The following ABI2 variants were observed in gnomAD, a reference collection of about 807,000 sequenced individuals.
ABI2 encodes abl interactor 2, also known as abelson interactor 2.
Under a neutral mutation model 59.2 loss-of-function variants are expected in ABI2, and 25 were observed. The ratio of observed to expected loss-of-function variants is 0.42; its 90% confidence interval spans 0.31 to 0.59. The LOEUF is 0.59. Among genes scored for constraint, ABI2 ranks in the 20% least tolerant of loss-of-function variants. ABI2 has a pLI of 0.14. For synonymous variants in ABI2, 213 were observed against 235.5 expected, an observed-to-expected ratio of 0.90 and a Z score of 0.87; for missense variants, 545 against 681.8, an observed-to-expected ratio of 0.80 and a Z score of 2.23.
chr2:203,366,778 G>C (rs2094493216), intron 1 of ABI2, 99 bp from the exon 2 acceptor site: 16 of 1,187,990 alleles, frequency 1.3e-5, no homozygotes, highest in Non-Finnish European at 1.7e-5. Flanking sequence ...ACTTTCTGGT[G>C]GACTCAGCAG....
intron 1 of ABI2, among the ~76,000 whole-genome samples, chr2:203,331,851 C>T (rs1054500580): frequency 1.3e-5 from 2 of 148,362 alleles, no homozygotes; most frequent in African/African-American, 5.0e-5. Context: ...ACTCTGTCGC[C>T]CAGGCTGGAG....
chr2:203,376,278 A>G (rs2095671403), intron 2 of ABI2: 1 of 576,180 alleles, frequency 1.7e-6, no homozygotes, highest in Non-Finnish European at 3.0e-6. Flanking sequence ...ATCTACCTGG[A>G]TGCTTTTCTA....
chr2:203,414,089 T>C (rs1020061491), intron 10 of ABI2, among the ~76,000 whole-genome samples: 2 of 150,258 alleles, frequency 1.3e-5, no homozygotes, highest in African/African-American at 2.5e-5. Context: ...CTTACCTTTG[T>C]ACTTGCATTG....
At chr2:203,423,305 G>A (rs564206772) in intron 11 of ABI2, among the ~76,000 whole-genome samples, 4 of 152,316 alleles carry the variant, frequency 2.6e-5, no homozygotes, top group African/African-American at 7.2e-5. Flanking sequence ...TGTGTTAGGC[G>A]CTAGGGATAC....
chr2:203,349,319 T>C (rs1014681208), intron 1 of ABI2, among the ~76,000 whole-genome samples: 1 of 152,312 alleles, frequency 6.6e-6, no homozygotes, highest in South Asian at 2.1e-4. Context: ...CACAAAATAG[T>C]CATAACAATC....
At chr2:203,390,553 A>G (rs995853501) in intron 4 of ABI2, among the ~76,000 whole-genome samples, 1 of 151,972 alleles carries the variant, frequency 6.6e-6, no homozygotes, top group Non-Finnish European at 1.5e-5. Flanking sequence ...AATTGCTTGA[A>G]CCTGGGAGGC....
At chr2:203,337,857 C>G (rs944342127) in intron 1 of ABI2, among the ~76,000 whole-genome samples, 1 of 152,112 alleles carries the variant, frequency 6.6e-6, no homozygotes, top group East Asian at 1.9e-4. Flanking sequence ...GTGGAGAAAC[C>G]TCATCTCTAC....
chr2:203,340,403 G>A (rs924078760), intron 1 of ABI2, among the ~76,000 whole-genome samples: 1 of 150,520 alleles, frequency 6.6e-6, no homozygotes, highest in African/African-American at 2.5e-5. Flanking sequence ...GTCTTGTTCT[G>A]TTACCCAGGC....
chr2:203,398,082 T>A (rs1200402658), intron 8 of ABI2, among the ~76,000 whole-genome samples: 1 of 152,248 alleles, frequency 6.6e-6, no homozygotes, highest in African/African-American at 2.4e-5. Context: ...TATATTCAGC[T>A]TTGCTGTTAT....
Position 203,340,052 on chromosome 2 carries a change from G to A in ABI2, c.117+11421G>A, listed in dbSNP as rs545377856. 1.1e-4 allele frequency among the ~76,000 whole-genome samples: 16 copies of A among 152,306 alleles called. No individual in the cohort carries two copies. The South Asian group carries it at 3.3e-3, about 32-fold the overall frequency. On this transcript the variant is annotated intron_variant, in intron 1 of 11. Coordinates refer to ENST00000261018, the MANE Select transcript of ABI2 (RefSeq NM_001375670.1). The stretch of plus-strand genomic sequence containing the variant: ...GAATATTATTCAGCCATAAAAAGAA[G>A]GAAACCCTGCTATTTGTGACAACAT...
intron 8 of ABI2, among the ~76,000 whole-genome samples, chr2:203,398,390 G>A (rs1319620870): frequency 6.6e-6 from 1 of 152,150 alleles, no homozygotes; most frequent in Non-Finnish European, 1.5e-5. Context: ...TGAATAACAG[G>A]TGCCTGGCTC....
At chr2:203,358,408 A>G (rs1576813903) in intron 1 of ABI2, among the ~76,000 whole-genome samples, 1 of 152,052 alleles carries the variant, frequency 6.6e-6, no homozygotes, top group Non-Finnish European at 1.5e-5. Flanking sequence ...TTGTCTTCCC[A>G]AAGTGCCAGG....
intron 9 of ABI2, among the ~76,000 whole-genome samples, chr2:203,408,382 T>G (rs1486004514): frequency 1.3e-5 from 2 of 151,728 alleles, no homozygotes; most frequent in African/African-American, 4.8e-5. Context: ...AGGCTGGTCT[T>G]GAACTCCTGA....
chr2:203,411,514 A>G (rs1281390699), intron 10 of ABI2, 143 bp downstream of exon 10: 3 of 656,936 alleles, frequency 4.6e-6, no homozygotes, highest in Non-Finnish European at 7.7e-6. Context: ...TAGTGGAGAT[A>G]AAATAGAGAA....
chr2:203,332,486 A>G (rs534285916), intron 1 of ABI2, among the ~76,000 whole-genome samples: 3 of 152,108 alleles, frequency 2.0e-5, no homozygotes, highest in Non-Finnish European at 2.9e-5. Context: ...TTAGCTGGCT[A>G]TGGTGGCGTG....
At chr2:203,343,750 G>T (rs1186119378) in intron 1 of ABI2, among the ~76,000 whole-genome samples, 1 of 152,194 alleles carries the variant, frequency 6.6e-6, no homozygotes, top group African/African-American at 2.4e-5. Flanking sequence ...ACAAAAATAT[G>T]TTAATTAAAT....
In ABI2 at chr2:203,409,595, C is replaced by T. The variant is rs147021547; in HGVS notation, c.1193-1690C>T. Reference sequence around the variant, plus strand: ...GTAAAAATCTAAGAATGACCTTCAGCTTGTTGCTGTCCTTGATATGCTAGC... The same window carrying T: ...GTAAAAATCTAAGAATGACCTTCAGTTTGTTGCTGTCCTTGATATGCTAGC... On this transcript the variant is annotated intron_variant, in intron 9 of 11. Coordinates refer to ENST00000261018, the MANE Select transcript of ABI2 (RefSeq NM_001375670.1). Among the ~76,000 whole-genome samples the T allele has an allele frequency of 8.0e-4, 122 of 152,292 alleles. 1 individual carries two copies. Among genetic ancestry groups the T allele is most frequent in the Middle Eastern group, 3.4e-3 (1 of 294 alleles).
At position 203,427,435 on chromosome 2, in the gene ABI2, A is replaced by G. The variant is rs1225924844; in HGVS notation, c.*83A>G. ...AAGGCCCTGGGGATTCCACTCCAGT[A>G]AAGTAGAATGAAGGATACAAATGAT... On this transcript the variant is annotated 3_prime_UTR_variant, in exon 12 of 12. Transcript: ENST00000261018. 2 of 1,236,550 alleles carry G rather than the reference A, an allele frequency of 1.6e-6. No individual in the cohort carries two copies. The highest frequency in any genetic ancestry group is 1.5e-5 in the African/African-American group (1 of 66,140). 76.6% of individuals were successfully genotyped at this position (1,236,550 alleles called of 1,614,324 possible).
At chr2:203,348,564 A>G (rs2085262633) in intron 1 of ABI2, among the ~76,000 whole-genome samples, 1 of 152,266 alleles carries the variant, frequency 6.6e-6, no homozygotes, top group African/African-American at 2.4e-5. Flanking sequence ...GGTTAAGTTA[A>G]TGGAAATTTT....
Sources: gnomAD v4.1 joint callset for allele counts (sites outside exome capture counted in the v4.1 genomes callset) on GRCh38, gnomAD v4.1.1 for gene constraint, MANE v1.5 for transcripts, NCBI Gene and HGNC (gene_info 2026-07-23, HGNC 2026-07-21) for gene names.